Variants in CFAP47 observed in about 807,000 individuals in gnomAD.
CFAP47 encodes cilia- and flagella-associated protein 47.
A neutral mutation model predicts 148.1 loss-of-function variants in CFAP47; 29 were observed. The observed-to-expected ratio is 0.20, with a 90% CI of 0.15 to 0.27. CFAP47 has a LOEUF of 0.27. CFAP47 is among the 10% of genes least tolerant of loss of function. CFAP47 has a pLI of 1.00. For synonymous variants in CFAP47, 664 were observed against 577.3 expected (o/e 1.15, Z -2.15); for missense variants, 1,872 against 1,697.5 (o/e 1.10, Z -1.81).
At chrX:36,012,287 A>G (rs1476685891) in intron 21 of CFAP47, among the ~76,000 whole-genome samples, 1 of 111,572 alleles carries the variant, frequency 9.0e-6, no homozygotes, top group Non-Finnish European at 1.9e-5. Context: ...AACCAGAAAT[A>G]CCATTTGACC....
intron 57 of CFAP47, among the ~76,000 whole-genome samples, chrX:36,323,654 A>T (rs903781510): frequency 9.0e-6 from 1 of 111,563 alleles, no homozygotes; most frequent in Non-Finnish European, 1.9e-5. Context: ...CATCCCAGTC[A>T]ATCTGACTTT....
chrX:36,044,557 G>A (rs1022133935), intron 25 of CFAP47, among the ~76,000 whole-genome samples: 1 of 112,055 alleles, frequency 8.9e-6, no homozygotes, highest in Non-Finnish European at 1.9e-5. Flanking sequence ...TAGGGCAAGG[G>A]CGACATGCCA....
At chrX:36,366,684 A>T (rs2146994608) in intron 61 of CFAP47, among the ~76,000 whole-genome samples, 1 of 111,612 alleles carries the variant, frequency 9.0e-6, no homozygotes, top group Non-Finnish European at 1.9e-5. Context: ...TGCAGAGTTC[A>T]TTCTGCATAT....
chrX:36,214,328 G>A (rs1225790752), intron 45 of CFAP47, among the ~76,000 whole-genome samples: 1 of 111,769 alleles, frequency 8.9e-6, no homozygotes, highest in Non-Finnish European at 1.9e-5. Flanking sequence ...TATAGGACTG[G>A]AAATTGCTCT....
intron 21 of CFAP47, among the ~76,000 whole-genome samples, chrX:36,005,680 C>T (rs1219041975): frequency 9.0e-6 from 1 of 111,649 alleles, no homozygotes; most frequent in Non-Finnish European, 1.9e-5. Flanking sequence ...TGTGTGTGCA[C>T]ATGTGTGCAA....
chrX:36,303,113 C>T (rs782672918), intron 53 of CFAP47, among the ~76,000 whole-genome samples: 1 of 111,959 alleles, frequency 8.9e-6, no homozygotes, highest in South Asian at 3.7e-4. Context: ...ATCAAGGGTT[C>T]ACCATGACCA....
intron 59 of CFAP47, among the ~76,000 whole-genome samples, chrX:36,351,160 A>G (rs1872285907): frequency 8.9e-6 from 1 of 111,774 alleles, no homozygotes; most frequent in Non-Finnish European, 1.9e-5. Flanking sequence ...TCAAGACTAC[A>G]TGTTTCCTTA....
Position 36,384,983 on chromosome X carries a change from G to T in CFAP47, c.9541G>T (p.Ala3181Ser). ...RTGVSSTIKG[A>S]PLVKNQ Reference sequence around the variant, plus strand: ...AGGGGTGTCTTCCACCATCAAGGGTGCTCCTTTGGTGAAGAATCAATAAAA... The same window carrying T: ...AGGGGTGTCTTCCACCATCAAGGGTTCTCCTTTGGTGAAGAATCAATAAAA... Residue 3181 changes from alanine (A) to serine (S), a missense_variant, in exon 64 of 64, where the codon GCT (alanine) becomes TCT (serine). By Grantham distance (99) the Ala-to-Ser change is moderately conservative. Transcript: ENST00000378653. 3 of 1,162,010 alleles carry T rather than the reference G, an allele frequency of 2.6e-6. No homozygotes were observed. The highest frequency in any genetic ancestry group is 3.5e-6 in the Non-Finnish European group (3 of 868,370).
At chrX:36,382,292 G>A (rs1216864890) in intron 63 of CFAP47, among the ~76,000 whole-genome samples, 1 of 111,278 alleles carries the variant, frequency 9.0e-6, no homozygotes, top group African/African-American at 3.3e-5. Context: ...AAGAAAGTTT[G>A]GTTACATATA....
intron 33 of CFAP47, among the ~76,000 whole-genome samples, chrX:36,115,601 G>A (rs1023300477): frequency 1.8e-5 from 2 of 111,643 alleles, no homozygotes; most frequent in African/African-American, 6.5e-5. Flanking sequence ...AGGGTGGCAT[G>A]ACCATTATGA....
chrX:35,945,649 T>C (rs904564867), intron 3 of CFAP47, among the ~76,000 whole-genome samples: 1 of 111,343 alleles, frequency 9.0e-6, no homozygotes, highest in Non-Finnish European at 1.9e-5. Context: ...CACTTCATAA[T>C]TAAGCCAGTA....
At position 35,991,930 on chromosome X, in the gene CFAP47, A is replaced by G. The variant is rs1311442314; in HGVS notation, c.2954A>G (p.His985Arg). ...ATTCTTCAAAATGTAGGACAAAACC[A>G]TGCTTATTTCAAGGTAACATAGGAT... is the stretch of plus-strand genomic sequence containing the variant. Reference protein sequence around the residue: ...KAILQNVGQNHAYFKVCSQSL... With the variant: ...KAILQNVGQNRAYFKVCSQSL... The change falls in exon 17 of 64, where the codon CAT becomes CGT. Residue 985 changes from histidine (H) to arginine (R), a missense_variant. By Grantham distance (29) the His-to-Arg change is conservative. Transcript: ENST00000378653. The G allele has an allele frequency of 1.0e-5, 3 of 294,105 alleles. No homozygotes were observed. Among genetic ancestry groups the G allele is most frequent in the Non-Finnish European group, 1.8e-5 (3 of 168,652 alleles). 24.2% of individuals were successfully genotyped at this position (294,105 alleles called of 1,213,427 possible).
intron 39 of CFAP47, among the ~76,000 whole-genome samples, chrX:36,176,882 C>T (rs764562878): frequency 3.2e-4 from 36 of 111,469 alleles, no homozygotes; most frequent in East Asian, 2.0e-3. Flanking sequence ...CCAGCCTGGG[C>T]GACAGAGTGA....
chrX:36,301,321 T>C (rs782211282), intron 53 of CFAP47, 142 bp downstream of exon 53: 1 of 401,468 alleles, frequency 2.5e-6, no homozygotes, highest in African/African-American at 2.6e-5. Flanking sequence ...AGGGAAGGTT[T>C]GATATGTAAA....
At chrX:36,373,199 G>T (rs1941988736) in intron 62 of CFAP47, among the ~76,000 whole-genome samples, 1 of 111,161 alleles carries the variant, frequency 9.0e-6, no homozygotes, top group African/African-American at 3.3e-5. Flanking sequence ...TTGTGTTTTT[G>T]TCAATATTTT....
intron 45 of CFAP47, among the ~76,000 whole-genome samples, chrX:36,206,690 A>C (rs1940042759): frequency 8.9e-6 from 1 of 112,118 alleles, no homozygotes; most frequent in Admixed American, 9.5e-5. Flanking sequence ...TTAAACACTC[A>C]TGAAGACTGT....
chrX:36,114,242 G>C (rs1366708770), intron 33 of CFAP47, among the ~76,000 whole-genome samples: 1 of 111,734 alleles, frequency 8.9e-6, no homozygotes, highest in Non-Finnish European at 1.9e-5. Context: ...TTGTCAGTCA[G>C]CTCCTGTATT....
intron 56 of CFAP47, among the ~76,000 whole-genome samples, chrX:36,317,925 A>G (rs1300723058): frequency 9.0e-6 from 1 of 111,692 alleles, no homozygotes; most frequent in Non-Finnish European, 1.9e-5. Flanking sequence ...TGCTGATAAG[A>G]TATCTTAACA....
intron 48 of CFAP47, among the ~76,000 whole-genome samples, chrX:36,241,540 A>T (rs1314283246): frequency 8.9e-6 from 1 of 111,975 alleles, no homozygotes; most frequent in Non-Finnish European, 1.9e-5. Flanking sequence ...CTTTGCTCCA[A>T]CTGAGTACTT....
Sources: gnomAD v4.1 joint callset for allele counts (sites outside exome capture counted in the v4.1 genomes callset) on GRCh38, gnomAD v4.1.1 for gene constraint, MANE v1.5 for transcripts, NCBI Gene and HGNC (gene_info 2026-07-23, HGNC 2026-07-21) for gene names.